The following COX7B2 variants were observed in gnomAD, a reference collection of about 807,000 sequenced individuals.
The protein encoded by COX7B2 is cytochrome c oxidase subunit 7B2.
For missense variants in COX7B2, 109 were observed against 95.9 expected (o/e 1.14, Z -0.57); for synonymous variants, 37 against 32.1 (o/e 1.15, Z -0.51).
intron 1 of COX7B2, among the ~76,000 whole-genome samples, chr4:46,869,426 T>A (rs1717858175): frequency 6.6e-6 from 1 of 152,176 alleles, no homozygotes; most frequent in African/African-American, 2.4e-5. Flanking sequence ...TGTTAGCTAG[T>A]TATTATGTTG....
At chr4:46,902,464 G>A (rs1720126816) in intron 1 of COX7B2, among the ~76,000 whole-genome samples, 1 of 152,146 alleles carries the variant, frequency 6.6e-6, no homozygotes, top group Non-Finnish European at 1.5e-5. Flanking sequence ...TAAGCTTATG[G>A]TCAGTCGGCA....
At chr4:46,799,171 T>C (rs1365157535) in intron 2 of COX7B2, among the ~76,000 whole-genome samples, 1 of 152,168 alleles carries the variant, frequency 6.6e-6, no homozygotes, top group Non-Finnish European at 1.5e-5. Context: ...TTGAACGTTA[T>C]TGGTGTATAG....
Position 46,755,818 on chromosome 4 carries a change from C to T in COX7B2, c.-49-20577G>A, listed in dbSNP as rs563603577. On this transcript the variant is annotated intron_variant, in intron 2 of 2. Coordinates refer to ENST00000355591, the MANE Select transcript of COX7B2 (RefSeq NM_130902.3). ...TTGATGAAATAAACTGTAGATGACA[C>T]AAACAAATGGAAAGCATCCCATGCT... Among the ~76,000 whole-genome samples, 7 of 152,032 alleles carry T rather than the reference C, an allele frequency of 4.6e-5. No homozygotes were observed. The South Asian group carries it at 1.5e-3, about 32-fold the overall frequency.
intron 2 of COX7B2, among the ~76,000 whole-genome samples, chr4:46,760,772 T>A (rs1484937630): frequency 1.3e-5 from 2 of 151,992 alleles, no homozygotes; most frequent in Admixed American, 1.3e-4. Context: ...ATAATTAACA[T>A]TAAAAATTCA....
intron 1 of COX7B2, among the ~76,000 whole-genome samples, chr4:46,870,442 T>C (rs556471169): frequency 6.6e-5 from 10 of 152,190 alleles, no homozygotes; most frequent in Admixed American, 6.6e-4. Flanking sequence ...GGATGCCCTC[T>C]CTCTCACCAC....
intron 2 of COX7B2, among the ~76,000 whole-genome samples, chr4:46,750,581 C>T (rs1715309689): frequency 6.6e-6 from 1 of 152,086 alleles, no homozygotes; most frequent in Non-Finnish European, 1.5e-5. Context: ...CAGAATACCA[C>T]TCAATGGTTT....
At chr4:46,808,759 A>G (rs912950967) in intron 2 of COX7B2, among the ~76,000 whole-genome samples, 5 of 151,842 alleles carry the variant, frequency 3.3e-5, no homozygotes, top group Non-Finnish European at 4.4e-5. Flanking sequence ...ACGTTGGAGT[A>G]CACCAGTGCT....
At chr4:46,831,595 G>C (rs778177605) in intron 2 of COX7B2, among the ~76,000 whole-genome samples, 2 of 152,156 alleles carry the variant, frequency 1.3e-5, no homozygotes, top group African/African-American at 4.8e-5. Context: ...CCTAGCTCAA[G>C]GTTTGTAAAC....
chr4:46,802,909 T>C (rs1718734794), intron 2 of COX7B2, among the ~76,000 whole-genome samples: 1 of 152,108 alleles, frequency 6.6e-6, no homozygotes, highest in South Asian at 2.1e-4. Flanking sequence ...GGGATTCCAG[T>C]AATGCTTAAA....
At chr4:46,776,393 A>AGTGTGTGTGT (rs34113475) in intron 2 of COX7B2, among the ~76,000 whole-genome samples, 7 of 146,634 alleles carry the variant, frequency 4.8e-5, no homozygotes, top group African/African-American at 1.8e-4. Flanking sequence ...GTAGTTTCAG[A>AGTGTGTGTGT]GTGTGTGTGT....
chr4:46,739,040 G>A (rs1577643533), intron 2 of COX7B2, among the ~76,000 whole-genome samples: 1 of 152,032 alleles, frequency 6.6e-6, no homozygotes, highest in African/African-American at 2.4e-5. Flanking sequence ...CACTGGTAAC[G>A]ATAATAATTT....
chr4:46,811,171 T>C (rs1719266650), intron 2 of COX7B2, among the ~76,000 whole-genome samples: 1 of 152,192 alleles, frequency 6.6e-6, no homozygotes, highest in Non-Finnish European at 1.5e-5. Flanking sequence ...CTGAGCTTCA[T>C]GGATCTGGAT....
chr4:46,764,846 C>T (rs1577678787), intron 2 of COX7B2, among the ~76,000 whole-genome samples: 1 of 151,440 alleles, frequency 6.6e-6, no homozygotes, highest in Non-Finnish European at 1.5e-5. Context: ...AATCAAAGCA[C>T]ACTACCACAA....
chr4:46,885,682 C>A (rs558301615), intron 1 of COX7B2, among the ~76,000 whole-genome samples: 1 of 152,108 alleles, frequency 6.6e-6, no homozygotes, highest in African/African-American at 2.4e-5. Flanking sequence ...ATCAAAACTG[C>A]GCTTGATTAT....
intron 2 of COX7B2, among the ~76,000 whole-genome samples, chr4:46,810,224 C>G (rs1394196568): frequency 2.6e-5 from 4 of 151,938 alleles, no homozygotes; most frequent in Non-Finnish European, 5.9e-5. Context: ...ATCAAATTAT[C>G]CAATCAAATT....
At chr4:46,860,402 A>G (rs10805150) in intron 1 of COX7B2, among the ~76,000 whole-genome samples, 57,459 of 151,984 alleles carry the variant, frequency 0.38, 10,979 homozygotes, top group South Asian at 0.49. Flanking sequence ...AACTGTGGTC[A>G]GCAAGTTGAT....
At chr4:46,745,838 TC>T (rs2109413668) in intron 2 of COX7B2, among the ~76,000 whole-genome samples, 1 of 152,314 alleles carries the variant, frequency 6.6e-6, no homozygotes, top group Non-Finnish European at 1.5e-5. Context: ...TGTTTTGAAA[TC>T]CTACAATTTC....
intron 2 of COX7B2, among the ~76,000 whole-genome samples, chr4:46,767,726 T>G (rs1444139849): frequency 1.3e-5 from 2 of 152,078 alleles, no homozygotes; most frequent in Admixed American, 1.3e-4. Flanking sequence ...TATGTGAAAA[T>G]AAAACATACT....
intron 1 of COX7B2, among the ~76,000 whole-genome samples, chr4:46,908,857 T>C (rs1160563147): frequency 6.0e-5 from 9 of 150,592 alleles, no homozygotes; most frequent in Admixed American, 5.3e-4. Flanking sequence ...CTGGCTAACA[T>C]GGTGAAACCC....
Sources: gnomAD v4.1 joint callset for allele counts (sites outside exome capture counted in the v4.1 genomes callset) on GRCh38, gnomAD v4.1.1 for gene constraint, MANE v1.5 for transcripts, NCBI Gene and HGNC (gene_info 2026-07-23, HGNC 2026-07-21) for gene names.